ASIC2: variants seen among roughly 807,000 people sequenced by gnomAD.
The protein encoded by ASIC2 is acid-sensing ion channel 2.
In ASIC2, 25 loss-of-function variants were observed where a neutral mutation model predicts 57.3. That is an observed-to-expected ratio of 0.44 (90% CI 0.32 to 0.61). ASIC2 has a LOEUF of 0.61. ASIC2 is among the 20% of genes least tolerant of loss of function. The probability of loss-of-function intolerance (pLI) is 0.06; values close to 1 mark genes in which losing one functional copy is unlikely to be tolerated. For missense variants in ASIC2, 641 were observed against 738.1 expected (o/e 0.87, Z 1.52); for synonymous variants, 319 against 307.5 (o/e 1.04, Z -0.39).
At chr17:33,997,743 A>G (rs964123406) in intron 1 of ASIC2, among the ~76,000 whole-genome samples, 3 of 149,738 alleles carry the variant, frequency 2.0e-5, no homozygotes, top group Non-Finnish European at 4.4e-5. Flanking sequence ...ACAGTATATG[A>G]TCCTTCTGAG....
At chr17:33,733,727 T>C (rs924687171) in intron 1 of ASIC2, among the ~76,000 whole-genome samples, 1 of 152,202 alleles carries the variant, frequency 6.6e-6, no homozygotes, top group Admixed American at 6.5e-5. Flanking sequence ...CATGTCATCA[T>C]GGCCCTTCTC....
intron 1 of ASIC2, among the ~76,000 whole-genome samples, chr17:34,152,891 T>C (rs930217139): frequency 3.9e-5 from 6 of 152,016 alleles, no homozygotes; most frequent in Non-Finnish European, 7.4e-5. Context: ...AAGTAGACAA[T>C]CTGGAATCAA....
chr17:33,036,932 T>C lies in ASIC2; in HGVS notation c.988-8540A>G, dbSNP rs564599959. Among the ~76,000 whole-genome samples the C allele has an allele frequency of 5.3e-5, 8 of 152,248 alleles. No individual in the cohort carries two copies. In the South Asian group the frequency reaches 1.7e-3, roughly 32 times the overall value. ...CCACCAAGTCCCATTCAAGTGTTGA[T>C]ATTCTATGATTTAGAATCGGAGGGA... On this transcript the variant is annotated intron_variant, in intron 3 of 9. Coordinates refer to ENST00000225823, the MANE Select transcript of ASIC2 (RefSeq NM_183377.2).
intron 1 of ASIC2, among the ~76,000 whole-genome samples, chr17:33,213,597 C>T (rs1373082125): frequency 6.6e-6 from 1 of 152,298 alleles, no homozygotes; most frequent in South Asian, 2.1e-4. Context: ...CTGTTACCAT[C>T]GTCCTGCGGT....
At chr17:33,055,365 C>T (rs1281395337) in intron 3 of ASIC2, among the ~76,000 whole-genome samples, 1 of 152,220 alleles carries the variant, frequency 6.6e-6, no homozygotes, top group Admixed American at 6.5e-5. Flanking sequence ...CTCCAGGACT[C>T]CTCGTTCCTC....
intron 1 of ASIC2, among the ~76,000 whole-genome samples, chr17:33,765,535 C>T (rs1405720074): frequency 6.6e-6 from 1 of 152,184 alleles, no homozygotes; most frequent in Non-Finnish European, 1.5e-5. Flanking sequence ...CTGTCACTTT[C>T]AGGAAATGAA....
At position 33,601,954 on chromosome 17, in the gene ASIC2, A is replaced by G. The variant is rs148149491; in HGVS notation, c.556-489887T>C. ...TTCTTCTCTATTTCTCCCTTTTGTA[A>G]TGGACATATCTATCCTGTGCCTGTC... On this transcript the variant is annotated intron_variant, in intron 1 of 9. Coordinates refer to the ASIC2 transcript ENST00000359872. Among the ~76,000 whole-genome samples, 639 of 152,298 alleles carry G rather than the reference A, an allele frequency of 4.2e-3. 1 individual carries two copies. The highest frequency in any genetic ancestry group is 0.015 in the African/African-American group (614 of 41,562).
intron 1 of ASIC2, among the ~76,000 whole-genome samples, chr17:33,617,955 G>C (rs977296): frequency 6.6e-6 from 1 of 151,962 alleles, no homozygotes; most frequent in Non-Finnish European, 1.5e-5. Flanking sequence ...ACATTTTTAC[G>C]TGAAAAGGGA....
chr17:33,215,792 C>CG (rs1182334797), intron 1 of ASIC2, among the ~76,000 whole-genome samples: 18 of 152,128 alleles, frequency 1.2e-4, no homozygotes, highest in African/African-American at 4.3e-4. Context: ...CTCCGCCCCC[C>CG]GGGTTCACGC....
intron 1 of ASIC2, among the ~76,000 whole-genome samples, chr17:33,166,884 G>A (rs1308953258): frequency 6.6e-6 from 1 of 152,150 alleles, no homozygotes; most frequent in Non-Finnish European, 1.5e-5. Flanking sequence ...TTCCACTGAA[G>A]AGCTCAAAAA....
At chr17:33,537,144 G>T (rs1358258896) in intron 1 of ASIC2, among the ~76,000 whole-genome samples, 1 of 152,088 alleles carries the variant, frequency 6.6e-6, no homozygotes, top group Non-Finnish European at 1.5e-5. Context: ...TCTGGCATCT[G>T]CCCACCTTTC....
intron 2 of ASIC2, among the ~76,000 whole-genome samples, chr17:33,103,581 G>A (rs112694373): frequency 0.047 from 7,225 of 152,136 alleles, 561 homozygotes; most frequent in African/African-American, 0.16. Flanking sequence ...TGTGTTGAGG[G>A]GGCACTCCTC....
chr17:34,090,918 G>C (rs893184443), intron 1 of ASIC2, among the ~76,000 whole-genome samples: 4 of 152,232 alleles, frequency 2.6e-5, no homozygotes, highest in African/African-American at 9.6e-5. Context: ...CCTGGGAGGA[G>C]CTAGCAGTCT....
At chr17:33,521,466 C>T (rs986299553) in intron 1 of ASIC2, among the ~76,000 whole-genome samples, 6 of 152,220 alleles carry the variant, frequency 3.9e-5, no homozygotes, top group South Asian at 2.1e-4. Context: ...AGTTCTGATG[C>T]GGCCAACGCC....
chr17:33,040,545 G>A (rs1288981429), intron 3 of ASIC2, among the ~76,000 whole-genome samples: 1 of 152,228 alleles, frequency 6.6e-6, no homozygotes, highest in Non-Finnish European at 1.5e-5. Flanking sequence ...CAGGACAGAT[G>A]GTGGTAGGTG....
rs142889031 is a variant in ASIC2 at position 33,174,335 on chromosome 17, C to T, written c.709-62268G>A. The stretch of plus-strand genomic sequence containing the variant: ...ACTCAGGAGGCTGAAGTGGGAGAAT[C>T]GCTTGAACCTGGGTGGTGGAGGTTG... On this transcript the variant is annotated intron_variant, in intron 1 of 9. Coordinates refer to ENST00000225823, the MANE Select transcript of ASIC2 (RefSeq NM_183377.2). 5.4e-3 allele frequency among the ~76,000 whole-genome samples: 811 copies of T among 151,216 alleles called. 9 individuals carry two copies. Among genetic ancestry groups the T allele is most frequent in the African/African-American group, 0.019 (790 of 41,148 alleles).
At chr17:33,572,221 A>G (rs541417866) in intron 1 of ASIC2, 3 of 152,210 alleles carry the variant, frequency 2.0e-5, no homozygotes, top group Non-Finnish European at 4.4e-5. Context: ...ACTCACTCCT[A>G]TTGGCTCAGT....
intron 1 of ASIC2, among the ~76,000 whole-genome samples, chr17:34,155,391 C>T (rs1305990795): frequency 6.6e-6 from 1 of 152,090 alleles, no homozygotes; most frequent in East Asian, 1.9e-4. Flanking sequence ...GCTTAGAATT[C>T]ACACAAGGAA....
At chr17:33,192,406 A>G (rs941007976) in intron 1 of ASIC2, among the ~76,000 whole-genome samples, 1 of 134,066 alleles carries the variant, frequency 7.5e-6, no homozygotes, top group South Asian at 2.4e-4. Flanking sequence ...AAACAAAACA[A>G]AACAAAACAA....
Sources: allele counts gnomAD v4.1 joint callset (sites outside exome capture counted in the v4.1 genomes callset), GRCh38; gene constraint gnomAD v4.1.1; transcripts MANE v1.5; gene names NCBI Gene and HGNC (gene_info 2026-07-23, HGNC 2026-07-21).